MKLN1: variants seen among roughly 807,000 people sequenced by gnomAD.
MKLN1 encodes the protein muskelin 1.
In MKLN1, 18 loss-of-function variants were observed where a neutral mutation model predicts 99.0. That is an observed-to-expected ratio of 0.18 (90% CI 0.13 to 0.27). The LOEUF is 0.27. Among genes scored for constraint, MKLN1 ranks in the 10% least tolerant of loss-of-function variants. MKLN1 has a pLI of 1.00. For missense variants in MKLN1, 621 were observed against 875.9 expected (o/e 0.71, Z 3.67); for synonymous variants, 288 against 293.2 (o/e 0.98, Z 0.18).
intron 9 of MKLN1, among the ~76,000 whole-genome samples, chr7:131,430,514 C>G (rs1795492923): frequency 6.6e-6 from 1 of 152,000 alleles, no homozygotes; most frequent in African/African-American, 2.4e-5. Context: ...AAGGCGATGA[C>G]ATCTGTAATT....
chr7:131,394,616 G>A (rs1794303513), intron 4 of MKLN1, among the ~76,000 whole-genome samples: 1 of 152,030 alleles, frequency 6.6e-6, no homozygotes, highest in Admixed American at 6.5e-5. Flanking sequence ...ACCTGTACAG[G>A]TTTGGGCCTG....
chr7:131,448,449 A>G (rs1241826801), intron 12 of MKLN1, among the ~76,000 whole-genome samples: 1 of 152,238 alleles, frequency 6.6e-6, no homozygotes, highest in African/African-American at 2.4e-5. Flanking sequence ...TGTTGTGGTC[A>G]TAAAAGTAAA....
At chr7:131,123,049 A>AAAAT (rs1795400485) in intron 1 of MKLN1, among the ~76,000 whole-genome samples, 2 of 150,268 alleles carry the variant, frequency 1.3e-5, no homozygotes, top group African/African-American at 2.4e-5. Flanking sequence ...AAAAAAAAAA[A>AAAAT]GTGTTGCTGC....
intron 2 of MKLN1, among the ~76,000 whole-genome samples, chr7:131,386,162 C>T (rs374445191): frequency 1.2e-4 from 18 of 151,936 alleles, no homozygotes; most frequent in Admixed American, 1.3e-4. Flanking sequence ...TACAGGCGAC[C>T]GCCACCATGC....
At chr7:131,466,947 G>T (rs185302819) in intron 15 of MKLN1, among the ~76,000 whole-genome samples, 1 of 151,526 alleles carries the variant, frequency 6.6e-6, no homozygotes, top group South Asian at 2.1e-4. Context: ...ACACACGCAC[G>T]CAGGCACCCT....
At chr7:131,336,552 T>C (rs1297345725) in intron 1 of MKLN1, among the ~76,000 whole-genome samples, 1 of 152,154 alleles carries the variant, frequency 6.6e-6, no homozygotes, top group African/African-American at 2.4e-5. Flanking sequence ...TTTAAAAATA[T>C]TATTTTATTC....
rs572729159 is a variant in MKLN1, at chr7:131,388,821, C to T, written c.312-63C>T. 6.7e-5 allele frequency: 69 copies of T among 1,023,732 alleles called. No individual in the cohort carries two copies. In the Admixed American group the frequency reaches 1.2e-3, roughly 18 times the overall value. 63.4% of individuals were successfully genotyped at this position (1,023,732 alleles called of 1,614,324 possible). On this transcript the variant is annotated intron_variant, in intron 3 of 17. Transcript: ENST00000352689. ...CTTAAAACCTGAGTGTGCATTAATT[C>T]GTGTTCTAGTGCATTTACTAAATTA...
chr7:131,453,369 T>C (rs1796242251), intron 12 of MKLN1, among the ~76,000 whole-genome samples: 1 of 152,136 alleles, frequency 6.6e-6, no homozygotes, highest in African/African-American at 2.4e-5. Context: ...CAAATACATA[T>C]GAGAATTTAG....
intron 16 of MKLN1, among the ~76,000 whole-genome samples, chr7:131,474,944 GGAGA>G (rs1410495600): frequency 6.6e-6 from 1 of 152,094 alleles, no homozygotes; most frequent in Non-Finnish European, 1.5e-5. Flanking sequence ...CATGATGGCA[GGAGA>G]GAGAGTGACA....
In MKLN1 at chr7:131,125,674, C is replaced by T. The variant is rs555089197; in HGVS notation, c.-419+15467C>T. Among the ~76,000 whole-genome samples the T allele has an allele frequency of 4.6e-5, 7 of 152,190 alleles. No individual in the cohort carries two copies. In the South Asian group the frequency reaches 1.5e-3, roughly 32 times the overall value. On this transcript the variant is annotated intron_variant, in intron 1 of 7. Transcript: ENST00000416992. Reference sequence around the variant, plus strand: ...TTCCTTGAGGTCAGGAGTTCGAGACCAGCCTGGGCAACAAAGTGAGACTTC... The same window carrying T: ...TTCCTTGAGGTCAGGAGTTCGAGACTAGCCTGGGCAACAAAGTGAGACTTC...
At chr7:131,197,378 TTTATTATTA>T (rs139892490) in intron 2 of MKLN1, among the ~76,000 whole-genome samples, 25,000 of 139,096 alleles carry the variant, frequency 0.18, 2,367 homozygotes, top group African/African-American at 0.22. Context: ...TAATTAAAAT[TTTATTATTA>T]TTATTATTAT....
chr7:131,212,917 C>A, intron 3 of MKLN1, among the ~76,000 whole-genome samples: 1 of 146,806 alleles, frequency 6.8e-6, no homozygotes, highest in African/African-American at 2.5e-5. Flanking sequence ...GAGCAAAACT[C>A]CGTCTCAAAA....
At chr7:131,117,751 A>T (rs1263542071) in intron 1 of MKLN1, among the ~76,000 whole-genome samples, 1 of 152,238 alleles carries the variant, frequency 6.6e-6, no homozygotes, top group Non-Finnish European at 1.5e-5. Context: ...GTGAGAGATC[A>T]TGGTTGCCCA....
upstream of MKLN1, among the ~76,000 whole-genome samples, chr7:131,326,645 T>G (rs1014532010): frequency 1.3e-5 from 2 of 152,202 alleles, no homozygotes; most frequent in Admixed American, 6.5e-5. Context: ...GTGCCGGGCC[T>G]GGCCTTTCTA....
intron 1 of MKLN1, among the ~76,000 whole-genome samples, chr7:131,329,937 C>T (rs1411394157): frequency 6.6e-6 from 1 of 152,132 alleles, no homozygotes. Context: ...TTGTTTAATC[C>T]TTATGACATT....
intron 3 of MKLN1, among the ~76,000 whole-genome samples, chr7:131,217,461 G>C (rs1796999782): frequency 6.6e-6 from 1 of 152,220 alleles, no homozygotes; most frequent in Non-Finnish European, 1.5e-5. Flanking sequence ...AGTTTGGGAG[G>C]CTGAGGCAGG....
chr7:131,484,975 A>G (rs1797233507), intron 17 of MKLN1, among the ~76,000 whole-genome samples: 1 of 152,104 alleles, frequency 6.6e-6, no homozygotes, highest in African/African-American at 2.4e-5. Context: ...TAATAGTGTA[A>G]AACAATGTAT....
chr7:131,346,572 A>G (rs1799569371), intron 1 of MKLN1, among the ~76,000 whole-genome samples: 1 of 152,074 alleles, frequency 6.6e-6, no homozygotes. Context: ...GGAAATCACA[A>G]CCTTTGCAAC....
chr7:131,397,191 G>A (rs1794385811), intron 4 of MKLN1, 76 bp from the exon 5 acceptor site: 1 of 972,928 alleles, frequency 1.0e-6, no homozygotes, highest in Non-Finnish European at 1.6e-6. Flanking sequence ...AGGTTGAATA[G>A]TGCTTTTACT....
Sources: gnomAD v4.1 joint callset for allele counts (sites outside exome capture counted in the v4.1 genomes callset) on GRCh38, gnomAD v4.1.1 for gene constraint, MANE v1.5 for transcripts, NCBI Gene and HGNC (gene_info 2026-07-23, HGNC 2026-07-21) for gene names.